USP48: variants seen among roughly 807,000 people sequenced by gnomAD.
USP48 encodes ubiquitin carboxyl-terminal hydrolase 48.
USP48 carries 43 observed loss-of-function variants against 150.7 expected under a neutral mutation model. The ratio of observed to expected loss-of-function variants is 0.29; its 90% CI spans 0.22 to 0.37. USP48 has a LOEUF of 0.37. USP48 is among the 10% of genes least tolerant of loss of function. The pLI is 1.00. For synonymous variants in USP48, 396 were observed against 425.9 expected (o/e 0.93, Z 0.86); for missense variants, 813 against 1,249.6 (o/e 0.65, Z 5.27).
At chr1:21,733,365 C>T (rs1205255161) in intron 9 of USP48, among the ~76,000 whole-genome samples, 2 of 151,766 alleles carry the variant, frequency 1.3e-5, no homozygotes, top group African/African-American at 2.4e-5. Context: ...TGTAGTGAGC[C>T]GAGATCGCGC....
chr1:21,765,783 G>A (rs755472417), intron 1 of USP48, among the ~76,000 whole-genome samples: 15 of 151,442 alleles, frequency 9.9e-5, no homozygotes, highest in Non-Finnish European at 1.9e-4. Context: ...CCCTTTGGAA[G>A]GCTGAGGTGA....
At chr1:21,748,955 C>T (rs1391285246) in intron 6 of USP48, among the ~76,000 whole-genome samples, 1 of 152,056 alleles carries the variant, frequency 6.6e-6, no homozygotes, top group Non-Finnish European at 1.5e-5. Context: ...AGTGTAAAAA[C>T]GATATATGGG....
intron 22 of USP48, among the ~76,000 whole-genome samples, chr1:21,696,457 G>A (rs1404660004): frequency 6.6e-6 from 1 of 152,150 alleles, no homozygotes; most frequent in Non-Finnish European, 1.5e-5. Flanking sequence ...AAGAAGAAGG[G>A]AAAGAAAGCG....
chr1:21,696,250 C>T (rs2097629773), intron 22 of USP48, among the ~76,000 whole-genome samples: 4 of 152,042 alleles, frequency 2.6e-5, no homozygotes, highest in Non-Finnish European at 5.9e-5. Flanking sequence ...ACCAGCCTGA[C>T]TAAAATGGAG....
intron 11 of USP48, 42 bp downstream of exon 11, chr1:21,728,528 G>A (rs372640892): frequency 1.3e-6 from 2 of 1,576,778 alleles, no homozygotes; most frequent in Admixed American, 1.9e-5. Flanking sequence ...AAAAAACAAG[G>A]CACTTAATGG....
intron 9 of USP48, among the ~76,000 whole-genome samples, chr1:21,735,967 C>CA (rs2097768046): frequency 6.6e-6 from 1 of 151,562 alleles, no homozygotes; most frequent in East Asian, 1.9e-4. Context: ...CCCAGCTACT[C>CA]AGGAGGCTGA....
chr1:21,780,010 C>T (rs1268955585), intron 1 of USP48, among the ~76,000 whole-genome samples: 1 of 152,098 alleles, frequency 6.6e-6, no homozygotes, highest in Non-Finnish European at 1.5e-5. Flanking sequence ...TTTCGCGGTT[C>T]GGTTAAGTTA....
At chr1:21,682,294 C>T (rs2097568105) in intron 25 of USP48, among the ~76,000 whole-genome samples, 1 of 152,068 alleles carries the variant, frequency 6.6e-6, no homozygotes, top group African/African-American at 2.4e-5. Context: ...ACTGGCTTTC[C>T]CTCCTACTTC....
At chr1:21,746,987 C>T in intron 8 of USP48, 80 bp downstream of exon 8, 1 of 1,140,164 alleles carries the variant, frequency 8.8e-7, no homozygotes. Context: ...CAATTGACTG[C>T]TATTCTATAT....
At chr1:21,715,109 G>C in intron 15 of USP48, 1 of 317,274 alleles carries the variant, frequency 3.2e-6, no homozygotes, top group South Asian at 4.4e-5. Context: ...ACAAGATGAA[G>C]AAGAAGAAAC....
In USP48 at chr1:21,782,922, C is replaced by A; in HGVS notation, c.36G>T (p.Trp12Cys). 6.4e-7 allele frequency: 1 copy of A among 1,550,558 alleles called. No homozygotes were observed. The change falls in exon 1 of 27, where the codon TGG (tryptophan) becomes TGT (cysteine). Residue 12 changes from tryptophan (W) to cysteine (C), a missense_variant. Physicochemically the swap from Trp to Cys is radical, Grantham distance 215 (BLOSUM62 -2). Coordinates refer to ENST00000308271, the MANE Select transcript of USP48 (RefSeq NM_032236.8). ...CGGGCCGCACCGTCTCCGCCCAGCG[C>A]CAGGCCGCCTTCTCCAGCTGCAGCC... is the stretch of plus-strand genomic sequence containing the variant. The part of the protein sequence containing the change: ...APRLQLEKAA[W>C]RWAETVRPEE...
intron 14 of USP48, among the ~76,000 whole-genome samples, chr1:21,719,205 CG>C (rs896916538): frequency 5.7e-5 from 2 of 34,920 alleles, no homozygotes; most frequent in East Asian, 2.1e-3. Context: ...GGACGGGGGG[CG>C]GGGGGGCAGA....
chr1:21,700,404 C>G (rs1399145096), intron 22 of USP48, among the ~76,000 whole-genome samples: 2 of 152,164 alleles, frequency 1.3e-5, no homozygotes, highest in African/African-American at 4.8e-5. Context: ...CCACAAGTAA[C>G]ATTTATTTTG....
chr1:21,688,312 G>A (rs2097585190), intron 24 of USP48, among the ~76,000 whole-genome samples: 1 of 151,844 alleles, frequency 6.6e-6, no homozygotes. Flanking sequence ...TCCACCTCCC[G>A]AGTTCACGCC....
chr1:21,710,201 C>T (rs2097686615), intron 15 of USP48, among the ~76,000 whole-genome samples: 1 of 152,062 alleles, frequency 6.6e-6, no homozygotes, highest in African/African-American at 2.4e-5. Context: ...AGCAATACCT[C>T]CCAAAACAAG....
chr1:21,679,984 A>G (rs1444067556), intron 26 of USP48, among the ~76,000 whole-genome samples: 1 of 152,172 alleles, frequency 6.6e-6, no homozygotes, highest in Non-Finnish European at 1.5e-5. Flanking sequence ...GTGAGCCACC[A>G]TGCCCGGCCA....
intron 7 of USP48, 146 bp from the exon 8 acceptor site, chr1:21,747,295 A>G: frequency 1.8e-6 from 1 of 559,150 alleles, no homozygotes; most frequent in Non-Finnish European, 3.1e-6. Context: ...AGAAGTAAAC[A>G]GAATATTGTT....
At position 21,703,506 on chromosome 1, in the gene USP48, C is replaced by T. The variant is rs61758374; in HGVS notation, c.2622+6G>A. ...TACTAGTCATTGCCACAAGAGGGAC[C>T]AGTACCTTTTTATTATCCACAACTT... On this transcript the variant is annotated splice_donor_region_variant and intron_variant, in intron 21 of 26. Transcript: ENST00000308271. The T allele has an allele frequency of 5.6e-6, 9 of 1,606,100 alleles. No individual in the cohort carries two copies. The highest frequency in any genetic ancestry group is 7.7e-6 in the Non-Finnish European group (9 of 1,174,710).
intron 1 of USP48, among the ~76,000 whole-genome samples, chr1:21,775,544 C>T (rs1278005785): frequency 1.3e-5 from 2 of 152,178 alleles, no homozygotes; most frequent in African/African-American, 2.4e-5. Flanking sequence ...CGTAAGCCAC[C>T]GTGCGTGGCC....
Sources: allele counts gnomAD v4.1 joint callset (sites outside exome capture counted in the v4.1 genomes callset), GRCh38; gene constraint gnomAD v4.1.1; transcripts MANE v1.5; gene names NCBI Gene and HGNC (gene_info 2026-07-23, HGNC 2026-07-21).